UTRN: variants seen among roughly 807,000 people sequenced by gnomAD.
The protein encoded by UTRN is utrophin, also known as dystrophin-related protein 1.
UTRN carries 283 observed loss-of-function variants against 463.9 expected under a neutral mutation model. That is an observed-to-expected ratio of 0.61 (90% confidence interval 0.55 to 0.67). The LOEUF is 0.67. Ranked by LOEUF, UTRN falls within the 30% of genes least tolerant of loss-of-function variation. The pLI is 0.00. For synonymous variants in UTRN, 1,442 were observed against 1,431.5 expected (o/e 1.01, Z -0.17); for missense variants, 3,922 against 4,084.3 (o/e 0.96, Z 1.08).
chr6:144,407,707 C>T (rs1042948611), intron 3 of UTRN, among the ~76,000 whole-genome samples: 2 of 152,164 alleles, frequency 1.3e-5, no homozygotes, highest in Admixed American at 1.3e-4. Context: ...CTAAAACCAT[C>T]TTTTAATTTG....
intron 51 of UTRN, among the ~76,000 whole-genome samples, chr6:144,651,524 T>C (rs1778815348): frequency 6.6e-6 from 1 of 152,216 alleles, no homozygotes; most frequent in Non-Finnish European, 1.5e-5. Flanking sequence ...TCCCATGAAA[T>C]ATATACTATA....
intron 53 of UTRN, among the ~76,000 whole-genome samples, chr6:144,725,964 A>C (rs1430826553): frequency 6.6e-6 from 1 of 152,044 alleles, no homozygotes; most frequent in Non-Finnish European, 1.5e-5. Flanking sequence ...ACTTCCCTAC[A>C]TTGGCATATC....
Position 144,754,589 on chromosome 6 carries a change from A to C in UTRN, c.8356-131A>C, listed in dbSNP as rs1232067017. On this transcript the variant is annotated intron_variant, in intron 56 of 74. Coordinates refer to ENST00000367545, the MANE Select transcript of UTRN (RefSeq NM_007124.3). The stretch of plus-strand genomic sequence containing the variant: ...GATACCAGAGACAGAGAAGGGGTCC[A>C]AGGGGTCTATATAAACAATCATATC... 7.2e-6 allele frequency: 4 copies of C among 558,358 alleles called. No individual in the cohort carries two copies. In the African/African-American group the frequency reaches 8.6e-5, roughly 12 times the overall value. The allele number at this position is 558,358 out of a possible 1,614,324, so 34.6% of individuals were successfully genotyped here. A position where few individuals can be genotyped will look rare whatever the true frequency, so the allele number is the denominator to read the frequency against.
At chr6:144,352,937 C>G (rs2114662787) in intron 2 of UTRN, among the ~76,000 whole-genome samples, 1 of 151,960 alleles carries the variant, frequency 6.6e-6, no homozygotes, top group African/African-American at 2.4e-5. Context: ...TATGTTTCTT[C>G]TTCTTCTTTT....
rs200033290 is a variant in UTRN at position 144,840,693 on chromosome 6, G to C, written c.10178-47G>C. The C allele has an allele frequency of 3.5e-5, 56 of 1,604,344 alleles. 2 individuals carry two copies. In the East Asian group the frequency reaches 1.1e-3, roughly 32 times the overall value. On this transcript the variant is annotated intron_variant, in intron 72 of 74. Coordinates refer to ENST00000367545, the MANE Select transcript of UTRN (RefSeq NM_007124.3). ...GAATTTGGGTTTTAGTGGAAGGCTAGACATTAATTTGAGAAGCTTTGTTGT... is the reference window on the plus strand; with the variant it reads ...GAATTTGGGTTTTAGTGGAAGGCTACACATTAATTTGAGAAGCTTTGTTGT...
intron 51 of UTRN, among the ~76,000 whole-genome samples, chr6:144,646,459 A>G (rs1241202119): frequency 6.6e-6 from 1 of 152,218 alleles, no homozygotes; most frequent in African/African-American, 2.4e-5. Flanking sequence ...TTAGAATAAC[A>G]GAACAACATG....
intron 34 of UTRN, among the ~76,000 whole-genome samples, chr6:144,509,805 A>T (rs1795025594): frequency 6.6e-6 from 1 of 152,154 alleles, no homozygotes; most frequent in Admixed American, 6.5e-5. Context: ...TTTTTACTGT[A>T]AAAAAGTATG....
At chr6:144,592,499 T>A (rs1354860295) in intron 51 of UTRN, among the ~76,000 whole-genome samples, 1 of 152,118 alleles carries the variant, frequency 6.6e-6, no homozygotes, top group Admixed American at 6.6e-5. Context: ...GTCTCCCAAG[T>A]AGCTGGGACT....
At position 144,734,922 on chromosome 6, in the gene UTRN, G is replaced by A. The variant is rs183528228; in HGVS notation, c.7939+4436G>A. ...CTGGTCTCTTATTATTGTCCCTTTC[G>A]TTCCACTCCCTGTAGATGTAAGCTC... On this transcript the variant is annotated intron_variant, in intron 54 of 74. Coordinates refer to ENST00000367545, the MANE Select transcript of UTRN (RefSeq NM_007124.3). 3.9e-4 allele frequency among the ~76,000 whole-genome samples: 60 copies of A among 152,058 alleles called. No individual in the cohort carries two copies. The East Asian group carries it at 4.4e-3, about 11-fold the overall frequency.
intron 49 of UTRN, among the ~76,000 whole-genome samples, chr6:144,556,495 T>C (rs924748939): frequency 6.6e-6 from 1 of 152,256 alleles, no homozygotes; most frequent in Non-Finnish European, 1.5e-5. Context: ...AACCTTAGGC[T>C]GATTTAAAAT....
At position 144,611,613 on chromosome 6, in the gene UTRN, A is replaced by G. The variant is rs552293546; in HGVS notation, c.7479+34325A>G. Reference sequence around the variant, plus strand: ...AGTAAACAATCCCATTTACAGTAGCAACAACAACAAAATACTTAGGTATAA... The same window carrying G: ...AGTAAACAATCCCATTTACAGTAGCGACAACAACAAAATACTTAGGTATAA... On this transcript the variant is annotated intron_variant, in intron 51 of 74. Transcript: ENST00000367545. 3.9e-5 allele frequency among the ~76,000 whole-genome samples: 6 copies of G among 152,188 alleles called. No individual in the cohort carries two copies. The South Asian group carries it at 1.2e-3, about 32-fold the overall frequency.
At chr6:144,431,362 T>TATA (rs924955331) in intron 9 of UTRN, among the ~76,000 whole-genome samples, 2 of 152,222 alleles carry the variant, frequency 1.3e-5, no homozygotes, top group Non-Finnish European at 2.9e-5. Context: ...GCAAGTGTAT[T>TATA]AACACCTCTT....
At chr6:144,629,341 G>T (rs1437449125) in intron 51 of UTRN, among the ~76,000 whole-genome samples, 1 of 152,174 alleles carries the variant, frequency 6.6e-6, no homozygotes, top group East Asian at 1.9e-4. Flanking sequence ...AGCCACCGAT[G>T]CCAGTTTCTT....
intron 53 of UTRN, among the ~76,000 whole-genome samples, chr6:144,705,990 G>A (rs1053292712): frequency 6.6e-6 from 1 of 151,898 alleles, no homozygotes; most frequent in African/African-American, 2.4e-5. Context: ...TTAAAGAAGT[G>A]TGGTACCTAC....
chr6:144,852,994 T>C lies in UTRN; in HGVS notation c.*1997T>C, dbSNP rs1037694991. ...CAGACTATCATCTAATCTGGTTACA[T>C]ATTGTATTTTTCATCCTGAATAAAA... On this transcript the variant is annotated 3_prime_UTR_variant, in exon 75 of 75. Coordinates refer to ENST00000367545, the MANE Select transcript of UTRN (RefSeq NM_007124.3). 1.3e-5 allele frequency: 2 copies of C among 152,286 alleles called. No individual in the cohort carries two copies. The highest frequency in any genetic ancestry group is 4.8e-5 in the African/African-American group (2 of 41,458). The allele number at this position is 152,286 out of a possible 1,614,324, so 9.4% of individuals were successfully genotyped here. A position where few individuals can be genotyped will look rare whatever the true frequency, so the allele number is the denominator to read the frequency against.
chr6:144,841,085 T>C (rs1232773126), intron 73 of UTRN, among the ~76,000 whole-genome samples: 2 of 152,284 alleles, frequency 1.3e-5, no homozygotes, highest in East Asian at 3.9e-4. Flanking sequence ...GGTGATAAAA[T>C]GAAAGCAAAT....
intron 34 of UTRN, among the ~76,000 whole-genome samples, chr6:144,508,765 G>A (rs1219209640): frequency 6.6e-6 from 1 of 152,108 alleles, no homozygotes; most frequent in African/African-American, 2.4e-5. Flanking sequence ...TTATTTTGGT[G>A]TATTTCGTGA....
At chr6:144,593,014 G>A (rs1187988513) in intron 51 of UTRN, among the ~76,000 whole-genome samples, 3 of 152,138 alleles carry the variant, frequency 2.0e-5, no homozygotes, top group African/African-American at 7.2e-5. Context: ...AGAAGAAGGG[G>A]CAGTAAAATC....
At chr6:144,726,213 G>A (rs1787862559) in intron 53 of UTRN, among the ~76,000 whole-genome samples, 1 of 152,142 alleles carries the variant, frequency 6.6e-6, no homozygotes, top group African/African-American at 2.4e-5. Flanking sequence ...CCATGATTGG[G>A]TTGAGTGAGT....
Sources: gnomAD v4.1 joint callset for allele counts (sites outside exome capture counted in the v4.1 genomes callset) on GRCh38, gnomAD v4.1.1 for gene constraint, MANE v1.5 for transcripts, NCBI Gene and HGNC (gene_info 2026-07-23, HGNC 2026-07-21) for gene names.